AGBL4: variants seen among roughly 807,000 people sequenced by gnomAD.
AGBL4 encodes cytosolic carboxypeptidase 6.
In AGBL4, 58 loss-of-function variants were observed where a neutral mutation model predicts 66.4. The ratio of observed to expected loss-of-function variants is 0.87; its 90% confidence interval spans 0.71 to 1.09. The LOEUF (loss-of-function observed/expected upper bound fraction) is 1.09, where lower values mean the gene tolerates loss of function less well. Among genes scored for constraint, AGBL4 ranks in the 50% least tolerant of loss-of-function variants. The pLI, the probability that AGBL4 is intolerant of heterozygous loss-of-function variation, is 0.00. For missense variants in AGBL4, 579 were observed against 631.0 expected (o/e 0.92, Z 0.88); for synonymous variants, 234 against 222.9 (o/e 1.05, Z -0.44).
chr1:49,545,812 A>T (rs1043740240), intron 3 of AGBL4, among the ~76,000 whole-genome samples: 1 of 152,252 alleles, frequency 6.6e-6, no homozygotes, highest in Admixed American at 6.5e-5. Flanking sequence ...CTCAAAAACA[A>T]TAAAGGCTTA....
At chr1:49,440,272 G>T (rs1429732186) in intron 3 of AGBL4, among the ~76,000 whole-genome samples, 2 of 151,996 alleles carry the variant, frequency 1.3e-5, no homozygotes, top group Non-Finnish European at 2.9e-5. Flanking sequence ...GTTTCACTGT[G>T]TTAGCCAGGA....
chr1:49,234,678 T>C lies in AGBL4; in HGVS notation c.377+11092A>G, dbSNP rs142679328. ...GCCTCCCTAAGTCTTCATTTCTCCC[T>C]GCTCACTCAGGAGTTGGGTAACCAA... On this transcript the variant is annotated intron_variant, in intron 4 of 13. Coordinates refer to ENST00000371839, the MANE Select transcript of AGBL4 (RefSeq NM_032785.4). Among the ~76,000 whole-genome samples the C allele has an allele frequency of 2.1e-4, 32 of 152,322 alleles. No homozygotes were observed. In the East Asian group the frequency reaches 6.0e-3, roughly 29 times the overall value.
At chr1:49,885,284 T>C (rs1454119865) in intron 1 of AGBL4, among the ~76,000 whole-genome samples, 1 of 151,876 alleles carries the variant, frequency 6.6e-6, no homozygotes, top group Non-Finnish European at 1.5e-5. Context: ...TAAAGATGAG[T>C]TGTAACCCAC....
intron 2 of AGBL4, chr1:49,841,931 C>T (rs1010818940): frequency 1.5e-5 from 9 of 618,950 alleles, no homozygotes; most frequent in South Asian, 7.9e-5. Context: ...GTGAGAATCT[C>T]GGCCTCCTCG....
At chr1:49,394,467 G>A (rs1187987660) in intron 3 of AGBL4, among the ~76,000 whole-genome samples, 1 of 152,032 alleles carries the variant, frequency 6.6e-6, no homozygotes, top group East Asian at 1.9e-4. Flanking sequence ...AGCAGCTTCT[G>A]TAAGAAACAC....
intron 7 of AGBL4, among the ~76,000 whole-genome samples, chr1:48,661,479 T>C (rs533913930): frequency 6.6e-6 from 1 of 152,358 alleles, no homozygotes; most frequent in East Asian, 1.9e-4. Context: ...GGGAATGTCA[T>C]GCCAGGGAGT....
At chr1:50,021,083 A>G (rs1363933864) in intron 1 of AGBL4, among the ~76,000 whole-genome samples, 2 of 152,236 alleles carry the variant, frequency 1.3e-5, no homozygotes, top group East Asian at 1.9e-4. Context: ...ATTTTCTACC[A>G]TCAATGTTAC....
intron 2 of AGBL4, chr1:49,845,551 C>T: frequency 6.3e-7 from 1 of 1,596,388 alleles, no homozygotes; most frequent in Non-Finnish European, 8.6e-7. Context: ...GACCAAACAC[C>T]AGCAAATCCA....
chr1:49,924,424 C>T (rs377311272), intron 1 of AGBL4, among the ~76,000 whole-genome samples: 2 of 152,148 alleles, frequency 1.3e-5, no homozygotes, highest in African/African-American at 4.8e-5. Context: ...TGCACACATA[C>T]CCCTGAACTT....
At chr1:49,012,076 C>G (rs188010680) in intron 5 of AGBL4, among the ~76,000 whole-genome samples, 1 of 151,550 alleles carries the variant, frequency 6.6e-6, no homozygotes, top group Non-Finnish European at 1.5e-5. Context: ...GGAACTCCCC[C>G]ACCCCCTCCA....
intron 1 of AGBL4, among the ~76,000 whole-genome samples, chr1:50,021,849 A>G (rs1360438205): frequency 6.6e-6 from 1 of 152,138 alleles, no homozygotes; most frequent in Admixed American, 6.5e-5. Flanking sequence ...ATGGCTTCCC[A>G]TTATTCTTAG....
intron 3 of AGBL4, among the ~76,000 whole-genome samples, chr1:49,344,533 GT>G (rs1645602211): frequency 6.6e-6 from 1 of 152,104 alleles, no homozygotes; most frequent in African/African-American, 2.4e-5. Flanking sequence ...AAAATTCTGT[GT>G]GTGAACATAC....
intron 3 of AGBL4, among the ~76,000 whole-genome samples, chr1:49,629,384 C>T (rs1375460440): frequency 6.6e-6 from 1 of 152,144 alleles, no homozygotes; most frequent in African/African-American, 2.4e-5. Flanking sequence ...TGGGAAATGG[C>T]CCCATTGAAG....
chr1:48,834,819 T>C (rs1646638331), intron 6 of AGBL4, among the ~76,000 whole-genome samples: 1 of 152,172 alleles, frequency 6.6e-6, no homozygotes, highest in Non-Finnish European at 1.5e-5. Flanking sequence ...TCTGTTGACC[T>C]TTGTCATCAT....
chr1:49,035,414 T>C (rs1664560128), intron 5 of AGBL4, among the ~76,000 whole-genome samples: 1 of 152,146 alleles, frequency 6.6e-6, no homozygotes. Context: ...AAAGTACACT[T>C]GGAGGAGCCA....
intron 6 of AGBL4, among the ~76,000 whole-genome samples, chr1:48,776,264 T>C (rs960031446): frequency 6.6e-6 from 1 of 151,806 alleles, no homozygotes; most frequent in Non-Finnish European, 1.5e-5. Context: ...GAGAGAGAAA[T>C]GACGGTACAA....
chr1:49,949,994 ATGTG>A (rs1557611498), intron 1 of AGBL4, among the ~76,000 whole-genome samples: 14 of 118,936 alleles, frequency 1.2e-4, no homozygotes, highest in Admixed American at 1.1e-3. Context: ...GTATATATAT[ATGTG>A]TATATATATA....
At chr1:48,988,612 C>T (rs967783285) in intron 5 of AGBL4, among the ~76,000 whole-genome samples, 1 of 152,158 alleles carries the variant, frequency 6.6e-6, no homozygotes, top group Non-Finnish European at 1.5e-5. Flanking sequence ...TGCTACCAAC[C>T]TGTTGGTCAA....
chr1:48,827,217 C>G (rs1400003654), intron 6 of AGBL4, among the ~76,000 whole-genome samples: 1 of 152,148 alleles, frequency 6.6e-6, no homozygotes, highest in Non-Finnish European at 1.5e-5. Flanking sequence ...CATGTCTTTC[C>G]TCCATTATAC....
Sources: gnomAD v4.1 joint callset for allele counts (sites outside exome capture counted in the v4.1 genomes callset) on GRCh38, gnomAD v4.1.1 for gene constraint, MANE v1.5 for transcripts, NCBI Gene and HGNC (gene_info 2026-07-23, HGNC 2026-07-21) for gene names.